Variants in UXS1 observed in about 807,000 individuals in gnomAD.
The protein encoded by UXS1 is UDP-glucuronate decarboxylase 1.
Under a neutral mutation model 62.6 loss-of-function variants are expected in UXS1, and 33 were observed. That is an observed-to-expected ratio of 0.53 (90% CI 0.40 to 0.70). The LOEUF (loss-of-function observed/expected upper bound fraction) is 0.70. Among genes scored for constraint, UXS1 ranks in the 30% least tolerant of loss-of-function variants. The pLI, the probability that UXS1 is intolerant of heterozygous loss-of-function variation, is 0.00. For synonymous variants in UXS1, 213 were observed against 206.8 expected (o/e 1.03, Z -0.26); for missense variants, 434 against 556.3 (o/e 0.78, Z 2.21).
At chr2:106,151,896 G>A (rs1477740341) in intron 5 of UXS1, among the ~76,000 whole-genome samples, 1 of 152,192 alleles carries the variant, frequency 6.6e-6, no homozygotes, top group Non-Finnish European at 1.5e-5. Context: ...AGAACAGAGA[G>A]ATTATATGGG....
intron 1 of UXS1, among the ~76,000 whole-genome samples, chr2:106,175,958 T>C (rs552812637): frequency 2.0e-5 from 3 of 152,316 alleles, no homozygotes; most frequent in Admixed American, 6.5e-5. Context: ...CTTTAATCTA[T>C]TGATGCTCAT....
intron 6 of UXS1, among the ~76,000 whole-genome samples, chr2:106,142,056 G>C (rs1681152649): frequency 6.6e-6 from 1 of 151,954 alleles, no homozygotes; most frequent in Non-Finnish European, 1.5e-5. Flanking sequence ...ATTTTTGGTA[G>C]AGACTGGGTT....
At position 106,145,350 on chromosome 2, in the gene UXS1, G is replaced by A. The variant is rs780126015; in HGVS notation, c.312C>T (p.Phe104=). Residue 104 remains phenylalanine, a synonymous_variant, in exon 6 of 15, where the codon TTC becomes TTT. Transcript: ENST00000283148. ...KRILITGGAG[F]VGSHLTDKLM... ...GTTTGTCAGTTAGATGGGAGCCCAC[G>A]AACCCTGCGCCTCCTGTTATCTGCA... The A allele has an allele frequency of 5.1e-5, 83 of 1,613,390 alleles. No homozygotes were observed. Among genetic ancestry groups the A allele is most frequent in the Non-Finnish European group, 6.1e-5 (72 of 1,179,642 alleles).
In UXS1 at chr2:106,167,585, TCAAA is replaced by T. The variant is rs150285304; in HGVS notation, c.95-1506_95-1503del. ...TAATTCCATAGAAGCACATCTCTCT[TCAAA>T]CAGAGGAGAAAACTTGGTTTAAAAA... is the stretch of plus-strand genomic sequence containing the variant. On this transcript the variant is annotated intron_variant, in intron 1 of 14. Transcript: ENST00000283148. Among the ~76,000 whole-genome samples the T allele has an allele frequency of 2.7e-3, 411 of 151,872 alleles. 6 individuals are homozygous for T. The highest frequency in any genetic ancestry group is 0.027 in the East Asian group (137 of 5,158).
chr2:106,138,757 C>T, intron 6 of UXS1: 1 of 985,482 alleles, frequency 1.0e-6, no homozygotes, highest in Non-Finnish European at 1.2e-6. Context: ...AGTAGCGGCA[C>T]TGCTGCATCC....
intron 12 of UXS1, among the ~76,000 whole-genome samples, chr2:106,099,249 C>T (rs1456694539): frequency 2.0e-5 from 3 of 152,154 alleles, no homozygotes; most frequent in African/African-American, 4.8e-5. Context: ...CGAGTGTCCC[C>T]GGCAAGCCAG....
chr2:106,149,528 T>C (rs1681849601), intron 5 of UXS1, among the ~76,000 whole-genome samples: 1 of 152,278 alleles, frequency 6.6e-6, no homozygotes. Context: ...TCTCTTGCTC[T>C]CTCTTTACCC....
chr2:106,138,957 T>C, intron 6 of UXS1: 1 of 848,474 alleles, frequency 1.2e-6, no homozygotes, highest in South Asian at 5.4e-5. Flanking sequence ...AGAGGGGAAA[T>C]TCAGAGCAGG....
In UXS1 at chr2:106,145,120, A is replaced by C. The variant is rs1296330584; in HGVS notation, c.472+70T>G. On this transcript the variant is annotated intron_variant, in intron 6 of 14. Coordinates refer to ENST00000283148, the MANE Select transcript of UXS1 (RefSeq NM_001253875.2). ...GTGCTGAGTCAAACAGCTTACCCTC[A>C]GGAATCCCGCAGCTCTGGCAAGGCC... 2.0e-6 allele frequency: 3 copies of C among 1,529,086 alleles called. No individual in the cohort carries two copies. In the Admixed American group the frequency reaches 5.8e-5, roughly 29 times the overall value. The allele number at this position is 1,529,086 out of a possible 1,614,324, so 94.7% of individuals were successfully genotyped here. A position where few individuals can be genotyped will look rare whatever the true frequency, so the allele number is the denominator to read the frequency against.
At chr2:106,140,875 T>C (rs1359116860) in intron 6 of UXS1, among the ~76,000 whole-genome samples, 1 of 152,132 alleles carries the variant, frequency 6.6e-6, no homozygotes, top group Non-Finnish European at 1.5e-5. Flanking sequence ...CTGTTCCCCA[T>C]GGAAAAGCTG....
At chr2:106,142,091 G>A (rs1681156692) in intron 6 of UXS1, among the ~76,000 whole-genome samples, 1 of 152,012 alleles carries the variant, frequency 6.6e-6, no homozygotes, top group Admixed American at 6.6e-5. Context: ...AGGCTGGACT[G>A]AAACTCCTGA....
chr2:106,139,573 T>A (rs1192477407), intron 6 of UXS1, among the ~76,000 whole-genome samples: 3 of 152,250 alleles, frequency 2.0e-5, no homozygotes, highest in Non-Finnish European at 4.4e-5. Context: ...CAACTCGGGA[T>A]AACCTGAAAC....
At chr2:106,143,408 CAAAAAAAAA>C (rs60493984) in intron 6 of UXS1, among the ~76,000 whole-genome samples, 43 of 38,650 alleles carry the variant, frequency 1.1e-3, no homozygotes, top group Admixed American at 4.9e-3. Context: ...GACTCCGTCT[CAAAAAAAAA>C]AAAAAAAAAA....
Position 106,123,155 on chromosome 2 carries a change from A to T in UXS1, c.638-64T>A. ...TTTTTCCAGTTCATATCAATAATGC[A>T]TATTTATGATGCAAAAGGGAACTTC... On this transcript the variant is annotated intron_variant, in intron 8 of 14. Transcript: ENST00000283148. The T allele has an allele frequency of 4.4e-6, 7 of 1,599,012 alleles. No individual in the cohort carries two copies. The South Asian group carries it at 6.7e-5, about 15-fold the overall frequency.
chr2:106,110,206 C>T (rs1363168250), intron 10 of UXS1, among the ~76,000 whole-genome samples: 1 of 152,202 alleles, frequency 6.6e-6, no homozygotes, highest in Non-Finnish European at 1.5e-5. Flanking sequence ...CAGAAGCTGC[C>T]TACAGAGACT....
intron 1 of UXS1, among the ~76,000 whole-genome samples, chr2:106,172,073 T>C (rs1391709936): frequency 6.6e-6 from 1 of 152,062 alleles, no homozygotes; most frequent in Non-Finnish European, 1.5e-5. Flanking sequence ...AACTCAGCGC[T>C]TGCGGATGCA....
At chr2:106,138,616 A>T in intron 6 of UXS1, 1 of 985,568 alleles carries the variant, frequency 1.0e-6, no homozygotes, top group Non-Finnish European at 1.2e-6. Context: ...AGATGAGCGT[A>T]AACTGGGGTT....
At chr2:106,174,899 C>T (rs1029272047) in intron 1 of UXS1, among the ~76,000 whole-genome samples, 1 of 152,212 alleles carries the variant, frequency 6.6e-6, no homozygotes, top group Non-Finnish European at 1.5e-5. Flanking sequence ...GGCCTCAGTC[C>T]AAGGCCTGCA....
rs1043873631 is a variant in UXS1, at chr2:106,093,438, T to C, written c.*588A>G. ...CAAAACACAGTAGTGATTTCAAATA[T>C]CCTTGATCATGACCAACAGGAATAT... is the stretch of plus-strand genomic sequence containing the variant. On this transcript the variant is annotated 3_prime_UTR_variant, in exon 15 of 15. Transcript: ENST00000283148. The C allele has an allele frequency of 1.7e-4, 25 of 148,728 alleles. No individual in the cohort carries two copies. Among genetic ancestry groups the C allele is most frequent in the African/African-American group, 5.2e-4 (21 of 40,020 alleles). 9.2% of individuals were successfully genotyped at this position (148,728 alleles called of 1,614,324 possible).
Sources: gnomAD v4.1 joint callset for allele counts (sites outside exome capture counted in the v4.1 genomes callset) on GRCh38, gnomAD v4.1.1 for gene constraint, MANE v1.5 for transcripts, NCBI Gene and HGNC (gene_info 2026-07-23, HGNC 2026-07-21) for gene names.